DISC1: variants seen among roughly 807,000 people sequenced by gnomAD.
The protein encoded by DISC1 is DISC1 scaffold protein, also known as disrupted in schizophrenia 1 protein.
In DISC1, 57 loss-of-function variants were observed where a neutral mutation model predicts 84.5. That is an observed-to-expected ratio of 0.67 (90% CI 0.55 to 0.84). The LOEUF is 0.84. DISC1 is among the 40% of genes least tolerant of loss of function. The pLI is 0.00. For missense variants in DISC1, 1,000 were observed against 1,057.8 expected, an observed-to-expected ratio of 0.95 and a Z score of 0.76; for synonymous variants, 411 against 415.2, an observed-to-expected ratio of 0.99 and a Z score of 0.12.
At chr1:231,848,944 A>G (rs905383719) in intron 9 of DISC1, among the ~76,000 whole-genome samples, 1 of 152,142 alleles carries the variant, frequency 6.6e-6, no homozygotes, top group African/African-American at 2.4e-5. Context: ...TGAAACAACG[A>G]ATAAATGAGT....
chr1:231,793,268 C>T (rs2078490581), intron 6 of DISC1, among the ~76,000 whole-genome samples: 3 of 152,174 alleles, frequency 2.0e-5, no homozygotes, highest in Admixed American at 6.6e-5. Context: ...ACCCCAGAAA[C>T]CTTGACCTTT....
intron 1 of DISC1, among the ~76,000 whole-genome samples, chr1:231,649,024 G>T (rs2060387870): frequency 6.6e-6 from 1 of 151,632 alleles, no homozygotes; most frequent in South Asian, 2.1e-4. Flanking sequence ...TGGATTCATT[G>T]ATTTTTTGAA....
intron 3 of DISC1, among the ~76,000 whole-genome samples, chr1:231,728,548 A>C (rs983620528): frequency 6.6e-6 from 1 of 152,194 alleles, no homozygotes; most frequent in African/African-American, 2.4e-5. Context: ...TTGGAGCTCT[A>C]TCCTTGGAGT....
intron 9 of DISC1, among the ~76,000 whole-genome samples, chr1:231,881,330 G>A (rs1193269653): frequency 6.6e-6 from 1 of 152,168 alleles, no homozygotes; most frequent in Admixed American, 6.5e-5. Context: ...AGACCAAGGC[G>A]ATGGCAAGAT....
At chr1:231,722,010 G>A (rs571739076) in intron 3 of DISC1, among the ~76,000 whole-genome samples, 9 of 152,062 alleles carry the variant, frequency 5.9e-5, no homozygotes, top group South Asian at 2.1e-4. Context: ...AAAATTAGCC[G>A]GGTGTGGTGG....
intron 6 of DISC1, among the ~76,000 whole-genome samples, chr1:231,777,836 C>A (rs1442605712): frequency 6.6e-6 from 1 of 152,088 alleles, no homozygotes; most frequent in East Asian, 1.9e-4. Context: ...GTTTGTTGGG[C>A]AATATATTGT....
chr1:231,636,622 G>C (rs538391747), intron 1 of DISC1, among the ~76,000 whole-genome samples: 2 of 152,142 alleles, frequency 1.3e-5, no homozygotes, highest in South Asian at 4.2e-4. Flanking sequence ...TTTTTGAAAA[G>C]CATAAGGTAA....
intron 10 of DISC1, among the ~76,000 whole-genome samples, chr1:231,982,893 T>C (rs1272075702): frequency 6.6e-6 from 1 of 152,158 alleles, no homozygotes; most frequent in Non-Finnish European, 1.5e-5. Flanking sequence ...AACCACCTAG[T>C]AATTTAAACA....
intron 7 of DISC1, 68 bp downstream of exon 7, chr1:231,795,364 C>A: frequency 2.1e-6 from 3 of 1,418,510 alleles, no homozygotes; most frequent in Non-Finnish European, 2.0e-6. Context: ...GATTTTACAT[C>A]TAGATCTTAG....
At position 231,633,819 on chromosome 1, in the gene DISC1, T is replaced by C. The variant is rs546766718; in HGVS notation, c.67+6885T>C. ...AGTAAGTTGTGTCCTGAATGTGGAA[T>C]CTGAGTTGAAATTGCATTTTGTGAC... On this transcript the variant is annotated intron_variant, in intron 1 of 12. Coordinates refer to ENST00000439617, the MANE Select transcript of DISC1 (RefSeq NM_018662.3). 6.6e-5 allele frequency among the ~76,000 whole-genome samples: 10 copies of C among 152,196 alleles called. No individual in the cohort carries two copies. In the East Asian group the frequency reaches 1.9e-3, roughly 29 times the overall value.
At chr1:231,763,662 C>A (rs1230052409) in intron 4 of DISC1, among the ~76,000 whole-genome samples, 1 of 152,184 alleles carries the variant, frequency 6.6e-6, no homozygotes, top group African/African-American at 2.4e-5. Flanking sequence ...TCACTTATTT[C>A]GTAAGTGTCA....
intron 9 of DISC1, among the ~76,000 whole-genome samples, chr1:231,849,904 G>A (rs2083767801): frequency 6.6e-6 from 1 of 152,148 alleles, no homozygotes; most frequent in Non-Finnish European, 1.5e-5. Flanking sequence ...GTTCCCTAGT[G>A]TCTTCGATCC....
intron 3 of DISC1, among the ~76,000 whole-genome samples, chr1:231,738,765 A>G (rs1056020505): frequency 6.6e-6 from 1 of 152,156 alleles, no homozygotes; most frequent in Non-Finnish European, 1.5e-5. Flanking sequence ...ATTAGTCAGC[A>G]TTCTATTAGC....
intron 5 of DISC1, among the ~76,000 whole-genome samples, 166 bp from the exon 6 acceptor site, chr1:231,770,669 T>C (rs1342806009): frequency 6.6e-6 from 1 of 152,236 alleles, no homozygotes; most frequent in Non-Finnish European, 1.5e-5. Flanking sequence ...AAAGCTGGCA[T>C]GATTTTTCCA....
At chr1:231,815,902 C>A (rs2080921553) in intron 8 of DISC1, among the ~76,000 whole-genome samples, 1 of 152,128 alleles carries the variant, frequency 6.6e-6, no homozygotes, top group Non-Finnish European at 1.5e-5. Context: ...ATGGGGCTGG[C>A]TCTCAGGCAT....
intron 6 of DISC1, among the ~76,000 whole-genome samples, chr1:231,783,275 A>G (rs1439083487): frequency 6.6e-6 from 1 of 152,164 alleles, no homozygotes; most frequent in African/African-American, 2.4e-5. Context: ...TATGGAGCTG[A>G]CTTGATTACC....
chr1:231,662,717 G>A (rs2061662199), intron 1 of DISC1, among the ~76,000 whole-genome samples: 1 of 152,214 alleles, frequency 6.6e-6, no homozygotes, highest in Non-Finnish European at 1.5e-5. Context: ...CCTAAGTTAA[G>A]TTGGTATAAA....
intron 4 of DISC1, among the ~76,000 whole-genome samples, chr1:231,762,384 G>C (rs906815243): frequency 6.6e-6 from 1 of 151,292 alleles, no homozygotes; most frequent in Non-Finnish European, 1.5e-5. Flanking sequence ...GCCTAGGCTG[G>C]GGTGCAGCAG....
At chr1:231,718,015 T>A (rs1168062504) in intron 3 of DISC1, among the ~76,000 whole-genome samples, 1 of 152,116 alleles carries the variant, frequency 6.6e-6, no homozygotes, top group Non-Finnish European at 1.5e-5. Flanking sequence ...GAATGGCAAG[T>A]CAAGCAGAAA....
Sources: gnomAD v4.1 joint callset for allele counts (sites outside exome capture counted in the v4.1 genomes callset) on GRCh38, gnomAD v4.1.1 for gene constraint, MANE v1.5 for transcripts, NCBI Gene and HGNC (gene_info 2026-07-23, HGNC 2026-07-21) for gene names.